GRM8: variants seen among roughly 807,000 people sequenced by gnomAD.
The protein encoded by GRM8 is metabotropic glutamate receptor 8.
Under a neutral mutation model 87.2 loss-of-function variants are expected in GRM8, and 47 were observed. The ratio of observed to expected loss-of-function variants is 0.54; its 90% CI spans 0.43 to 0.69. The LOEUF (loss-of-function observed/expected upper bound fraction) is 0.69, where lower values mean the gene tolerates loss of function less well. Ranked by LOEUF, GRM8 falls within the 30% of genes least tolerant of loss-of-function variation. GRM8 has a pLI of 0.00. For missense variants in GRM8, 1,019 were observed against 1,139.2 expected (o/e 0.89, Z 1.52); for synonymous variants, 396 against 404.5 (o/e 0.98, Z 0.25).
At chr7:126,594,775 A>G (rs961867926) in intron 8 of GRM8, among the ~76,000 whole-genome samples, 1 of 152,218 alleles carries the variant, frequency 6.6e-6, no homozygotes, top group African/African-American at 2.4e-5. Context: ...TATGTTAGCT[A>G]GATTTAAGCA....
intron 9 of GRM8, among the ~76,000 whole-genome samples, chr7:126,496,405 C>G (rs1470648117): frequency 1.3e-5 from 2 of 152,026 alleles, no homozygotes; most frequent in African/African-American, 4.8e-5. Context: ...AACTAAAACT[C>G]AGTCTTCCTT....
At chr7:127,164,741 T>C (rs1793333399) in intron 2 of GRM8, among the ~76,000 whole-genome samples, 1 of 151,968 alleles carries the variant, frequency 6.6e-6, no homozygotes. Context: ...AAAACACTCA[T>C]CTCAAAATTT....
intron 3 of GRM8, among the ~76,000 whole-genome samples, chr7:127,059,497 C>A (rs1820402388): frequency 1.3e-5 from 2 of 151,936 alleles, no homozygotes; most frequent in Admixed American, 6.6e-5. Flanking sequence ...CCACCACACC[C>A]AGCTAATTTT....
At chr7:126,538,075 A>G (rs1210623861) in intron 8 of GRM8, among the ~76,000 whole-genome samples, 1 of 152,224 alleles carries the variant, frequency 6.6e-6, no homozygotes, top group East Asian at 1.9e-4. Flanking sequence ...AAAATGGCCC[A>G]TTCTTATCTT....
chr7:127,201,041 C>T (rs1189950614), intron 2 of GRM8, among the ~76,000 whole-genome samples: 1 of 150,634 alleles, frequency 6.6e-6, no homozygotes, highest in Non-Finnish European at 1.5e-5. Context: ...ATTTTTCTTG[C>T]TTATGTTGAT....
At position 126,797,419 on chromosome 7, in the gene GRM8, T is replaced by C. The variant is rs529829841; in HGVS notation, c.1157-27354A>G. Among the ~76,000 whole-genome samples, 35 of 152,252 alleles carry C rather than the reference T, an allele frequency of 2.3e-4. No homozygotes were observed. In the South Asian group the frequency reaches 7.2e-3, roughly 32 times the overall value. The stretch of plus-strand genomic sequence containing the variant: ...GCAAAATAGCATATATTCTTGTTAT[T>C]TTTTAAAATATTAAATCACCAATAA... On this transcript the variant is annotated intron_variant, in intron 6 of 10. Coordinates refer to ENST00000339582, the MANE Select transcript of GRM8 (RefSeq NM_000845.3).
intron 3 of GRM8, among the ~76,000 whole-genome samples, chr7:127,079,461 C>T (rs901207211): frequency 6.6e-6 from 1 of 152,174 alleles, no homozygotes; most frequent in Non-Finnish European, 1.5e-5. Flanking sequence ...ACTTTGATGC[C>T]TTCTAAGGAT....
At chr7:126,784,113 C>T (rs1475543097) in intron 6 of GRM8, among the ~76,000 whole-genome samples, 2 of 152,138 alleles carry the variant, frequency 1.3e-5, no homozygotes, top group South Asian at 2.1e-4. Context: ...CTTTAGTGGG[C>T]TGCATCAGGA....
intron 3 of GRM8, among the ~76,000 whole-genome samples, chr7:127,017,090 T>C (rs1279547382): frequency 2.0e-5 from 3 of 152,084 alleles, no homozygotes; most frequent in African/African-American, 7.2e-5. Flanking sequence ...ATCGATTGAA[T>C]GGGAACATCT....
intron 3 of GRM8, among the ~76,000 whole-genome samples, chr7:127,052,850 G>C (rs1819626058): frequency 1.3e-5 from 2 of 152,022 alleles, no homozygotes; most frequent in South Asian, 4.1e-4. Context: ...TTCCAAATAG[G>C]CTAGTTTGTA....
chr7:126,536,357 C>T (rs1276541538), intron 8 of GRM8, among the ~76,000 whole-genome samples: 1 of 152,170 alleles, frequency 6.6e-6, no homozygotes, highest in Non-Finnish European at 1.5e-5. Context: ...TCTTCAAGCT[C>T]TATCCTTTTA....
At chr7:126,570,990 G>A (rs1373329447) in intron 8 of GRM8, among the ~76,000 whole-genome samples, 1 of 152,042 alleles carries the variant, frequency 6.6e-6, no homozygotes, top group African/African-American at 2.4e-5. Flanking sequence ...ATAACCAACA[G>A]GCAACTACCC....
At chr7:126,802,033 G>C (rs925106446) in intron 6 of GRM8, among the ~76,000 whole-genome samples, 2 of 152,076 alleles carry the variant, frequency 1.3e-5, no homozygotes, top group East Asian at 3.9e-4. Flanking sequence ...CGTTTCCCTT[G>C]TTATGTTAGA....
intron 6 of GRM8, among the ~76,000 whole-genome samples, chr7:126,872,491 C>T (rs1198092852): frequency 8.6e-5 from 13 of 152,030 alleles, no homozygotes; most frequent in East Asian, 3.8e-4. Flanking sequence ...TAGCAGTCAT[C>T]GAAATAAATG....
chr7:126,677,361 A>AG (rs1491443020), intron 7 of GRM8, among the ~76,000 whole-genome samples: 1 of 67,894 alleles, frequency 1.5e-5, no homozygotes, highest in Non-Finnish European at 4.1e-5. Flanking sequence ...GCATCCACCC[A>AG]AAAAAAAAAA....
At chr7:126,726,365 T>C (rs1246582528) in intron 7 of GRM8, among the ~76,000 whole-genome samples, 1 of 152,040 alleles carries the variant, frequency 6.6e-6, no homozygotes, top group African/African-American at 2.4e-5. Context: ...TCAATAGTTC[T>C]TTGATACACT....
intron 9 of GRM8, among the ~76,000 whole-genome samples, chr7:126,521,696 A>G (rs890666739): frequency 2.6e-5 from 4 of 152,212 alleles, no homozygotes; most frequent in Non-Finnish European, 4.4e-5. Context: ...ACCATGACAA[A>G]TAGTAAAAAT....
chr7:126,909,864 A>G (rs1803108325), intron 3 of GRM8, among the ~76,000 whole-genome samples: 1 of 152,210 alleles, frequency 6.6e-6, no homozygotes, highest in Non-Finnish European at 1.5e-5. Flanking sequence ...ACTGAAATCC[A>G]GGTTCAAAGC....
At chr7:126,454,504 C>CT (rs1196787435) in intron 9 of GRM8, among the ~76,000 whole-genome samples, 4 of 134,322 alleles carry the variant, frequency 3.0e-5, no homozygotes, top group Non-Finnish European at 6.4e-5. Flanking sequence ...TTTAAAAGTG[C>CT]TATTTTTTTT....
Sources: gnomAD v4.1 joint callset for allele counts (sites outside exome capture counted in the v4.1 genomes callset) on GRCh38, gnomAD v4.1.1 for gene constraint, MANE v1.5 for transcripts, NCBI Gene and HGNC (gene_info 2026-07-23, HGNC 2026-07-21) for gene names.